Variants in PTPN7 observed in about 807,000 individuals in gnomAD.
PTPN7 encodes the protein protein tyrosine phosphatase non-receptor type 7, also known as tyrosine-protein phosphatase non-receptor type 7.
A neutral mutation model predicts 50.3 loss-of-function variants in PTPN7; 33 were observed. The observed-to-expected ratio is 0.66, with a 90% CI of 0.50 to 0.88. The LOEUF is 0.88. PTPN7 is among the 40% of genes least tolerant of loss of function. PTPN7 has a pLI of 0.00. For synonymous variants in PTPN7, 185 were observed against 186.6 expected (o/e 0.99, Z 0.07); for missense variants, 412 against 475.4 (o/e 0.87, Z 1.24).
At chr1:202,155,477 T>G in intron 5 of PTPN7, 56 bp downstream of exon 5, 2 of 1,484,082 alleles carry the variant, frequency 1.3e-6, no homozygotes, top group Non-Finnish European at 1.9e-6. Flanking sequence ...GAAGATATTC[T>G]CAGACGTCTG....
At position 202,150,405 on chromosome 1, in the gene PTPN7, C is replaced by T; in HGVS notation, c.895G>A (p.Gly299Ser). The T allele has an allele frequency of 6.2e-7, 1 of 1,609,786 alleles. No individual in the cohort carries two copies. The highest frequency in any genetic ancestry group is 8.5e-7 in the Non-Finnish European group (1 of 1,177,912). The change falls in exon 9 of 10, where the codon GGC (glycine) becomes AGC (serine). Residue 299 changes from glycine to serine, a missense_variant. Gly to Ser is a moderately conservative substitution (Grantham distance 56, BLOSUM62 0). Transcript: ENST00000691036. ...VHCSAGIGRT[G>S]CFIATRIGCQ... Reference sequence around the variant, plus strand: ...CCAATTCGCGTGGCGATGAAGCAGCCCGTCCGGCCAATCCCTGCACTGGAG... The same window carrying T: ...CCAATTCGCGTGGCGATGAAGCAGCTCGTCCGGCCAATCCCTGCACTGGAG...
Position 202,150,294 on chromosome 1 carries a change from T to A in PTPN7, c.989+17A>T. ...ATCCGTTAACGTTGTTGGCCTTGTT[T>A]ACACCCACAGACCCACCTGTCTAGC... On this transcript the variant is annotated intron_variant, in intron 9 of 9. Coordinates refer to ENST00000691036, the MANE Select transcript of PTPN7 (RefSeq NM_002832.4). 1.3e-6 allele frequency: 2 copies of A among 1,596,806 alleles called. No individual in the cohort carries two copies. Among genetic ancestry groups the A allele is most frequent in the Non-Finnish European group, 1.7e-6 (2 of 1,168,566 alleles).
At position 202,148,361 on chromosome 1, in the gene PTPN7, G is replaced by T; in HGVS notation, c.*245C>A. ...TCTTTAAGTTCAGAGAGACATTGGA[G>T]GTTCCCCTTACTGTCCATCTGGGGC... On this transcript the variant is annotated 3_prime_UTR_variant, in exon 10 of 10. Coordinates refer to ENST00000691036, the MANE Select transcript of PTPN7 (RefSeq NM_002832.4). 1 of 432,510 alleles carries T rather than the reference G, an allele frequency of 2.3e-6. No individual in the cohort carries two copies. The allele number at this position is 432,510 out of a possible 1,614,324, so 26.8% of individuals were successfully genotyped here.
intron 4 of PTPN7, 110 bp from the exon 5 acceptor site, chr1:202,155,719 C>T (rs1656585710): frequency 1.1e-6 from 1 of 920,036 alleles, no homozygotes; most frequent in South Asian, 1.4e-5. Context: ...GTCATAGCAC[C>T]TTGTGTATAG....
chr1:202,159,239 G>A lies in PTPN7; in HGVS notation c.122+42C>T, dbSNP rs1437814388. ...GGAAGGAAGGGAGGAGCGGAATGGGGGCTCAGGGCTCGGAAGACCCCTCCC... is the reference window on the plus strand; with the variant it reads ...GGAAGGAAGGGAGGAGCGGAATGGGAGCTCAGGGCTCGGAAGACCCCTCCC... On this transcript the variant is annotated intron_variant, in intron 2 of 9. Transcript: ENST00000691036. The surrounding 1 kb of genome is among the most constrained non-coding windows in gnomAD (Gnocchi z 4.6). The A allele has an allele frequency of 2.5e-6, 4 of 1,587,484 alleles. No homozygotes were observed. Among genetic ancestry groups the A allele is most frequent in the Admixed American group, 1.7e-5 (1 of 59,634 alleles).
intron 9 of PTPN7, chr1:202,150,024 G>T (rs1272735427): frequency 1.8e-5 from 5 of 278,960 alleles, no homozygotes; most frequent in East Asian, 7.0e-5. Flanking sequence ...TAGAGACAGG[G>T]TTTACACCAT....
upstream of PTPN7, chr1:202,160,629 G>A (rs1657275670): frequency 1.9e-6 from 3 of 1,550,554 alleles, no homozygotes; most frequent in Non-Finnish European, 2.6e-6. This position sits in a 1 kb window ranked among gnomAD's most constrained non-coding sequence, Gnocchi z 4.8. Flanking sequence ...AAGGCTCCAG[G>A]AAGCCAGCTT....
At chr1:202,155,041 C>T (rs974761269) in intron 5 of PTPN7, among the ~76,000 whole-genome samples, 1 of 152,200 alleles carries the variant, frequency 6.6e-6, no homozygotes, top group Non-Finnish European at 1.5e-5. Context: ...TCCTTAGGGC[C>T]CACAGCAGCG....
chr1:202,154,698 CT>C (rs1295987828), intron 5 of PTPN7, among the ~76,000 whole-genome samples: 1 of 152,180 alleles, frequency 6.6e-6, no homozygotes, highest in African/African-American at 2.4e-5. Context: ...TGTTTATTCC[CT>C]TCCTCCCCTG....
intron 5 of PTPN7, 111 bp from the exon 6 acceptor site, chr1:202,154,434 G>A: frequency 1.5e-6 from 2 of 1,294,286 alleles, no homozygotes; most frequent in South Asian, 2.9e-5. Flanking sequence ...AACCACACGT[G>A]TAGACGTACA....
chr1:202,159,042 A>G lies in PTPN7; in HGVS notation c.122+239T>C, dbSNP rs578126337. 4.0e-4 allele frequency: 220 copies of G among 545,760 alleles called. No homozygotes were observed. Among genetic ancestry groups the G allele is most frequent in the Middle Eastern group, 9.9e-4 (2 of 2,014 alleles). 33.8% of individuals were successfully genotyped at this position (545,760 alleles called of 1,614,324 possible). On this transcript the variant is annotated intron_variant, in intron 2 of 9. Transcript: ENST00000691036. This position sits in a 1 kb window ranked among gnomAD's most constrained non-coding sequence, Gnocchi z 4.6. ...TGGCTCCGACATGCATCCAGCACCA[A>G]GAAGGCTGTGGGCCTTGCCTGGAAT...
intron 6 of PTPN7, among the ~76,000 whole-genome samples, 163 bp downstream of exon 6, chr1:202,154,023 A>G (rs558053858): frequency 2.0e-5 from 3 of 151,946 alleles, no homozygotes; most frequent in South Asian, 2.1e-4. Flanking sequence ...TTTTGGCCAT[A>G]GACAGCCTCC....
intron 7 of PTPN7, 118 bp from the exon 8 acceptor site, chr1:202,152,817 A>C: frequency 8.3e-7 from 1 of 1,205,018 alleles, no homozygotes; most frequent in Admixed American, 2.3e-5. Flanking sequence ...TCATCTACTC[A>C]AAGCAAGCTA....
At position 202,159,640 on chromosome 1, in the gene PTPN7, C is replaced by T. The variant is rs59879043; in HGVS notation, c.-52-186G>A. 131 of 1,450,012 alleles carry T rather than the reference C, an allele frequency of 9.0e-5. No homozygotes were observed. The East Asian group carries it at 2.0e-3, about 22-fold the overall frequency. The allele number at this position is 1,450,012 out of a possible 1,614,324, so 89.8% of individuals were successfully genotyped here. A position where few individuals can be genotyped will look rare whatever the true frequency, so the allele number is the denominator to read the frequency against. On this transcript the variant is annotated intron_variant, in intron 1 of 9. Coordinates refer to ENST00000691036, the MANE Select transcript of PTPN7 (RefSeq NM_002832.4). This position sits in a 1 kb window ranked among gnomAD's most constrained non-coding sequence, Gnocchi z 4.6. Reference sequence around the variant, plus strand: ...TGGGACCCAGGGCAGAAGGCAGTCTCGGGGTAGAGTAACGGCAAGATAAAG... The same window carrying T: ...TGGGACCCAGGGCAGAAGGCAGTCTTGGGGTAGAGTAACGGCAAGATAAAG...
At position 202,159,452 on chromosome 1, in the gene PTPN7, T is replaced by G. The variant is rs1257554515; in HGVS notation, c.-50A>C. On this transcript the variant is annotated splice_region_variant and 5_prime_UTR_variant, in exon 2 of 10. Transcript: ENST00000691036. The surrounding 1 kb of genome is among the most constrained non-coding windows in gnomAD (Gnocchi z 4.6). ...GGGAGGCTCACTCAGCCATGAGGTC[T>G]GCCTGAAAGACAGGGCCCTCCGCTG... is the stretch of plus-strand genomic sequence containing the variant. 6.2e-7 allele frequency: 1 copy of G among 1,611,528 alleles called. No homozygotes were observed. The highest frequency in any genetic ancestry group is 2.2e-5 in the East Asian group (1 of 44,774).
At chr1:202,158,052 A>G in intron 3 of PTPN7, 66 bp downstream of exon 3, 5 of 1,488,156 alleles carry the variant, frequency 3.4e-6, no homozygotes, top group Non-Finnish European at 4.5e-6. Flanking sequence ...CCGTGAGAGA[A>G]TGGTTCCAGC....
intron 4 of PTPN7, among the ~76,000 whole-genome samples, chr1:202,156,920 C>T (rs563277861): frequency 1.3e-5 from 2 of 152,260 alleles, no homozygotes; most frequent in African/African-American, 4.8e-5. Flanking sequence ...TCACCCCCTC[C>T]TAGCACAGTG....
At chr1:202,157,214 A>C (rs1265727176) in intron 4 of PTPN7, among the ~76,000 whole-genome samples, 2 of 152,240 alleles carry the variant, frequency 1.3e-5, no homozygotes, top group African/African-American at 4.8e-5. Context: ...AAATGAGTGA[A>C]TATAAAGGAT....
rs981530751 is a variant in PTPN7, at chr1:202,148,507, C to A, written c.*99G>T. ...AGGAGGCACTCCTTCCCCACACCAACCCAAGGGGTACCCCCAGATCACTCG... is the reference window on the plus strand; with the variant it reads ...AGGAGGCACTCCTTCCCCACACCAAACCAAGGGGTACCCCCAGATCACTCG... On this transcript the variant is annotated 3_prime_UTR_variant, in exon 10 of 10. Transcript: ENST00000691036. 4 of 1,107,494 alleles carry A rather than the reference C, an allele frequency of 3.6e-6. No individual in the cohort carries two copies. In the African/African-American group the frequency reaches 4.6e-5, roughly 13 times the overall value. The allele number at this position is 1,107,494 out of a possible 1,614,324, so 68.6% of individuals were successfully genotyped here. A position where few individuals can be genotyped will look rare whatever the true frequency, so the allele number is the denominator to read the frequency against.
Sources: gnomAD v4.1 joint callset for allele counts (sites outside exome capture counted in the v4.1 genomes callset) on GRCh38, gnomAD v4.1.1 for gene constraint, Gnocchi (gnomAD v3.1) non-coding constraint, MANE v1.5 for transcripts, NCBI Gene and HGNC (gene_info 2026-07-23, HGNC 2026-07-21) for gene names.